SVBP: variants seen among roughly 807,000 people sequenced by gnomAD.
The protein encoded by SVBP is small vasohibin binding protein.
A neutral mutation model predicts 9.2 loss-of-function variants in SVBP; 9 were observed. That is an observed-to-expected ratio of 0.98 (90% CI 0.59 to 1.71). The LOEUF (loss-of-function observed/expected upper bound fraction) is 1.71. Ranked by LOEUF, SVBP falls within the 40% of genes most tolerant of loss-of-function variation. SVBP has a pLI of 0.00. For missense variants in SVBP, 63 were observed against 73.2 expected, an observed-to-expected ratio of 0.86 and a Z score of 0.51; for synonymous variants, 27 against 23.9, an observed-to-expected ratio of 1.13 and a Z score of -0.37.
At chr1:42,815,967 G>A (rs1654193722) in intron 2 of SVBP, among the ~76,000 whole-genome samples, 5 of 152,092 alleles carry the variant, frequency 3.3e-5, no homozygotes, top group Admixed American at 3.3e-4. Flanking sequence ...ATATTGGCAG[G>A]GTAAAGTTTA....
intron 2 of SVBP, among the ~76,000 whole-genome samples, chr1:42,811,780 G>A (rs1432276914): frequency 6.6e-6 from 1 of 152,134 alleles, no homozygotes. Flanking sequence ...GAAGAACTGG[G>A]ATTTATGGAG....
At position 42,817,306 on chromosome 1, in the gene SVBP, C is replaced by A. The variant is rs1055323088; in HGVS notation, c.-153G>T. On this transcript the variant is annotated 5_prime_UTR_variant, in exon 1 of 3. Coordinates refer to ENST00000372521, the MANE Select transcript of SVBP (RefSeq NM_199342.4). ...GACCCAGCGCTGCCTGCCCACCGCC[C>A]CTCGTCCTGGGCGGGGCCGCGCGCC... 2 of 1,188,916 alleles carry A rather than the reference C, an allele frequency of 1.7e-6. No individual in the cohort carries two copies. Among genetic ancestry groups the A allele is most frequent in the Non-Finnish European group, 2.2e-6 (2 of 923,574 alleles). 73.6% of individuals were successfully genotyped at this position (1,188,916 alleles called of 1,614,324 possible). A position where few individuals can be genotyped will look rare whatever the true frequency, so the allele number is the denominator to read the frequency against.
chr1:42,815,317 T>C (rs991433421), intron 2 of SVBP, among the ~76,000 whole-genome samples: 2 of 151,002 alleles, frequency 1.3e-5, no homozygotes, highest in African/African-American at 4.9e-5. Context: ...TGTATACATA[T>C]GTAACAAACC....
At chr1:42,814,225 G>GC (rs111785516) in intron 2 of SVBP, among the ~76,000 whole-genome samples, 119,058 of 150,148 alleles carry the variant, frequency 0.79, 47,689 homozygotes, top group East Asian at 0.99. Flanking sequence ...GGGACTACAG[G>GC]GAGCACCACC....
Position 42,817,262 on chromosome 1 carries a change from C to T in SVBP, c.-109G>A, listed in dbSNP as rs761406733. 2.4e-6 allele frequency: 3 copies of T among 1,245,548 alleles called. No homozygotes were observed. The highest frequency in any genetic ancestry group is 2.6e-5 in the South Asian group (2 of 76,566). The allele number at this position is 1,245,548 out of a possible 1,614,324, so 77.2% of individuals were successfully genotyped here. On this transcript the variant is annotated 5_prime_UTR_variant, in exon 1 of 3. Coordinates refer to ENST00000372521, the MANE Select transcript of SVBP (RefSeq NM_199342.4). ...ACAACGCCTCCGGGAGGGTAATCCTCGCCTTCCCCCGACCACTGGACCCAG... is the reference window on the plus strand; with the variant it reads ...ACAACGCCTCCGGGAGGGTAATCCTTGCCTTCCCCCGACCACTGGACCCAG...
chr1:42,808,178 TAC>T (rs1250047961), intron 2 of SVBP, among the ~76,000 whole-genome samples: 1,124 of 72,336 alleles, frequency 0.016, 54 homozygotes, highest in African/African-American at 0.05. Context: ...TATATATATA[TAC>T]ATACTATGTA....
chr1:42,816,911 C>A (rs1333167528), intron 1 of SVBP: 5 of 182,748 alleles, frequency 2.7e-5, no homozygotes, highest in Admixed American at 6.3e-5. Flanking sequence ...GTGCGGCGTG[C>A]GGCACCCAGC....
chr1:42,816,777 TCTC>T (rs1245963897), intron 1 of SVBP, 197 bp from the exon 2 acceptor site: 3 of 495,066 alleles, frequency 6.1e-6, no homozygotes, highest in Non-Finnish European at 7.2e-6. Flanking sequence ...CCTGGGCAAG[TCTC>T]CTCCCCACTT....
At chr1:42,813,477 G>A (rs3738512) in intron 2 of SVBP, 1 of 557,318 alleles carries the variant, frequency 1.8e-6, no homozygotes, top group Non-Finnish European at 3.6e-6. Flanking sequence ...GGCTCTTACT[G>A]TTAGTGACAT....
intron 2 of SVBP, among the ~76,000 whole-genome samples, chr1:42,807,707 CT>C (rs1173375532): frequency 6.6e-6 from 1 of 152,014 alleles, no homozygotes; most frequent in Non-Finnish European, 1.5e-5. Flanking sequence ...TTGATTTGGT[CT>C]TTAAGGGATT....
intron 2 of SVBP, 31 bp from the exon 3 acceptor site, chr1:42,807,531 C>T (rs781447535): frequency 3.9e-6 from 6 of 1,531,348 alleles, no homozygotes; most frequent in Non-Finnish European, 4.5e-6. Flanking sequence ...CATCTGTTAG[C>T]AATGGAAGCA....
intron 2 of SVBP, chr1:42,813,759 C>A: frequency 1.9e-6 from 1 of 523,510 alleles, no homozygotes; most frequent in Non-Finnish European, 3.9e-6. Flanking sequence ...GTTTTCTTAT[C>A]TGTAGCTTCT....
chr1:42,808,645 A>T (rs1249179496), intron 2 of SVBP, among the ~76,000 whole-genome samples: 1 of 149,322 alleles, frequency 6.7e-6, no homozygotes, highest in East Asian at 2.0e-4. Context: ...ATGTATGTAT[A>T]TATAGCTCAT....
rs1001417382 is a variant in SVBP at position 42,812,968 on chromosome 1, G to GT, written c.114+3462dup. ...AAGTATTACATGGTAAAAGGCACAA[G>GT]TTTTTTTTGCCAATTTTAAGCTGTT... On this transcript the variant is annotated intron_variant, in intron 2 of 2. Coordinates refer to ENST00000372521, the MANE Select transcript of SVBP (RefSeq NM_199342.4). Among the ~76,000 whole-genome samples the GT allele has an allele frequency of 1.4e-3, 215 of 152,012 alleles. 1 individual carries two copies. The highest frequency in any genetic ancestry group is 5.0e-3 in the African/African-American group (207 of 41,468).
At chr1:42,809,322 G>C (rs573129689) in intron 2 of SVBP, among the ~76,000 whole-genome samples, 4 of 152,102 alleles carry the variant, frequency 2.6e-5, no homozygotes, top group Non-Finnish European at 5.9e-5. Context: ...ATGAAACTTA[G>C]AAGTGGGACA....
intron 2 of SVBP, among the ~76,000 whole-genome samples, chr1:42,813,220 TTAAA>T (rs3831988): frequency 1.3e-5 from 2 of 152,342 alleles, no homozygotes; most frequent in East Asian, 3.9e-4. Flanking sequence ...TTTAGCTAGT[TTAAA>T]TAAATCTTTT....
chr1:42,808,176 TATAC>T (rs200119495), intron 2 of SVBP, among the ~76,000 whole-genome samples: 778 of 73,994 alleles, frequency 0.011, 26 homozygotes, highest in East Asian at 0.017. Flanking sequence ...TATATATATA[TATAC>T]ATACTATGTA....
In SVBP at chr1:42,817,278, C is replaced by T. The variant is rs1017456793; in HGVS notation, c.-125G>A. ...GGTAATCCTCGCCTTCCCCCGACCA[C>T]TGGACCCAGCGCTGCCTGCCCACCG... On this transcript the variant is annotated 5_prime_UTR_variant, in exon 1 of 3. It adds an upstream start codon to the 5' untranslated region. Coordinates refer to ENST00000372521, the MANE Select transcript of SVBP (RefSeq NM_199342.4). The T allele has an allele frequency of 1.6e-6, 2 of 1,230,894 alleles. No individual in the cohort carries two copies. The highest frequency in any genetic ancestry group is 1.6e-5 in the African/African-American group (1 of 61,538). 76.2% of individuals were successfully genotyped at this position (1,230,894 alleles called of 1,614,324 possible).
chr1:42,817,337 G>GA lies in SVBP; in HGVS notation c.-185dup. The GA allele has an allele frequency of 1.0e-6, 1 of 998,440 alleles. No individual in the cohort carries two copies. Among genetic ancestry groups the GA allele is most frequent in the Non-Finnish European group, 1.3e-6 (1 of 772,632 alleles). The allele number at this position is 998,440 out of a possible 1,614,324, so 61.8% of individuals were successfully genotyped here. ...CCTGGGCGGGGCCGCGCGCCGGGGG[G>GA]AGGGGCGCAGGGCCGAGCGCCAGGA... is the stretch of plus-strand genomic sequence containing the variant. On this transcript the variant is annotated 5_prime_UTR_variant, in exon 1 of 3. Transcript: ENST00000372521.
Sources: allele counts gnomAD v4.1 joint callset (sites outside exome capture counted in the v4.1 genomes callset), GRCh38; gene constraint gnomAD v4.1.1; transcripts MANE v1.5; gene names NCBI Gene and HGNC (gene_info 2026-07-23, HGNC 2026-07-21).